Variants in ITGB1 observed in about 807,000 individuals in gnomAD.
The protein encoded by ITGB1 is integrin beta-1.
Under a neutral mutation model 86.5 loss-of-function variants are expected in ITGB1, and 24 were observed. The observed-to-expected ratio is 0.28, with a 90% CI of 0.20 to 0.39. The LOEUF (loss-of-function observed/expected upper bound fraction) is 0.39. ITGB1 is among the 10% of genes least tolerant of loss of function. The probability of loss-of-function intolerance (pLI) is 1.00; values close to 1 mark genes in which losing one functional copy is unlikely to be tolerated. For missense variants in ITGB1, 556 were observed against 946.9 expected (o/e 0.59, Z 5.42); for synonymous variants, 323 against 316.8 (o/e 1.02, Z -0.21).
intron 11 of ITGB1, among the ~76,000 whole-genome samples, chr10:32,915,828 T>G (rs1462357817): frequency 6.6e-6 from 1 of 152,206 alleles, no homozygotes; most frequent in African/African-American, 2.4e-5. Flanking sequence ...GCCAGCATCA[T>G]CCTGATACCA....
At chr10:32,903,495 GA>G (rs2094888049) in intron 15 of ITGB1, among the ~76,000 whole-genome samples, 1 of 151,492 alleles carries the variant, frequency 6.6e-6, no homozygotes, top group Non-Finnish European at 1.5e-5. Flanking sequence ...ACCAATGAGG[GA>G]AAAACATTAA....
chr10:32,941,174 A>G (rs1373231919), intron 1 of ITGB1, among the ~76,000 whole-genome samples: 1 of 152,156 alleles, frequency 6.6e-6, no homozygotes, highest in Non-Finnish European at 1.5e-5. Flanking sequence ...AGGCCTGCAT[A>G]TACAAAGCCA....
intron 9 of ITGB1, 72 bp from the exon 10 acceptor site, chr10:32,920,457 A>G: frequency 7.4e-7 from 1 of 1,347,996 alleles, no homozygotes. Context: ...ACCAATGGAT[A>G]AACTGCTCAG....
At chr10:32,925,753 A>C (rs2094962507) in intron 6 of ITGB1, 118 bp downstream of exon 6, 7 of 717,966 alleles carry the variant, frequency 9.7e-6, no homozygotes, top group East Asian at 2.5e-5. Flanking sequence ...TTACTTCTCT[A>C]AGATAATCAA....
At chr10:32,923,464 T>A in intron 7 of ITGB1, 121 bp downstream of exon 7, 4 of 757,686 alleles carry the variant, frequency 5.3e-6, no homozygotes, top group Non-Finnish European at 8.2e-6. Context: ...GGACCCCTAC[T>A]TACCAAAACA....
At chr10:32,945,093 A>G (rs2095028153) in intron 1 of ITGB1, 3 of 423,330 alleles carry the variant, frequency 7.1e-6, no homozygotes, top group African/African-American at 2.0e-5. Context: ...GCATGTATGA[A>G]TTCTTTGAAA....
At chr10:32,936,158 G>A (rs1716177542) in intron 1 of ITGB1, 1 of 152,280 alleles carries the variant, frequency 6.6e-6, no homozygotes, top group African/African-American at 2.4e-5. Flanking sequence ...ACTTCTGCCA[G>A]GAGCGCTGGC....
rs374870124 is a variant in ITGB1 at position 32,911,648 on chromosome 10, A to G, written c.1731T>C (p.Arg577=). 3.7e-6 allele frequency: 6 copies of G among 1,614,212 alleles called. No individual in the cohort carries two copies. Among genetic ancestry groups the G allele is most frequent in the South Asian group, 1.1e-5 (1 of 91,088 alleles). ...ICGGNGVCKC[R]VCECNPNYTG... ...TGTAGTTGGGGTTGCACTCACACAC[A>G]CGACACTTGCAAACACCATTTCCTG... The change falls in exon 13 of 16, where the codon CGT becomes CGC. Residue 577 remains arginine (R), a synonymous_variant. Coordinates refer to ENST00000302278, the MANE Select transcript of ITGB1 (RefSeq NM_002211.4).
At chr10:32,903,274 C>T (rs2094886692) in intron 15 of ITGB1, among the ~76,000 whole-genome samples, 1 of 142,108 alleles carries the variant, frequency 7.0e-6, no homozygotes, top group Non-Finnish European at 1.5e-5. Flanking sequence ...ATCACTTGAA[C>T]CCGGGAAGCG....
At position 32,919,890 on chromosome 10, in the gene ITGB1, C is replaced by T. The variant is rs143061769; in HGVS notation, c.1464G>A (p.Ala488=). 1.2e-4 allele frequency: 193 copies of T among 1,613,994 alleles called. No homozygotes were observed. The highest frequency in any genetic ancestry group is 1.5e-4 in the Non-Finnish European group (178 of 1,179,888). Residue 488 remains alanine (A), a synonymous_variant, in exon 11 of 16, where the codon GCG becomes GCA. Transcript: ENST00000302278. The part of the protein sequence containing the change: ...HEGNGTFECG[A]CRCNEGRVGR... ...TCTGACAACACCCAGCTTACCTGCA[C>T]GCGCCACACTCAAATGTCCCATTTC... is the stretch of plus-strand genomic sequence containing the variant.
intron 1 of ITGB1, among the ~76,000 whole-genome samples, chr10:32,953,092 T>C (rs1289815887): frequency 6.6e-6 from 1 of 152,198 alleles, no homozygotes. Context: ...ATTCTTCCCA[T>C]GCTGTCCTTG....
chr10:32,940,601 A>G (rs1398789606), intron 1 of ITGB1, among the ~76,000 whole-genome samples: 1 of 152,188 alleles, frequency 6.6e-6, no homozygotes, highest in Non-Finnish European at 1.5e-5. Flanking sequence ...GTGGTCCATC[A>G]CTGACCGAAA....
intron 3 of ITGB1, among the ~76,000 whole-genome samples, chr10:32,930,954 G>A (rs1469877558): frequency 6.6e-6 from 1 of 151,304 alleles, no homozygotes; most frequent in African/African-American, 2.4e-5. Context: ...AAATGTGGGG[G>A]AAACAGTGAC....
intron 15 of ITGB1, among the ~76,000 whole-genome samples, chr10:32,907,379 A>G (rs1187248256): frequency 6.6e-6 from 1 of 152,204 alleles, no homozygotes; most frequent in Admixed American, 6.5e-5. Context: ...CAAAAGATGA[A>G]TACACAAAGG....
intron 13 of ITGB1, among the ~76,000 whole-genome samples, chr10:32,911,094 A>G (rs2094911883): frequency 1.3e-5 from 2 of 152,244 alleles, no homozygotes; most frequent in Admixed American, 6.5e-5. Flanking sequence ...TCAAGAGGAA[A>G]AATCTTTAAT....
At chr10:32,912,648 T>A (rs1593857154) in intron 11 of ITGB1, among the ~76,000 whole-genome samples, 1 of 151,822 alleles carries the variant, frequency 6.6e-6, no homozygotes, top group Non-Finnish European at 1.5e-5. Flanking sequence ...CTTGAGTAGG[T>A]AAACAAAGCA....
intron 9 of ITGB1, among the ~76,000 whole-genome samples, chr10:32,921,153 G>A (rs1390912375): frequency 7.7e-6 from 1 of 129,334 alleles, no homozygotes; most frequent in Non-Finnish European, 1.6e-5. Context: ...AGGAACCATT[G>A]TAGCCCAGCC....
At chr10:32,935,705 C>CCCT (rs2094999364) in intron 1 of ITGB1, 147 bp from the exon 2 acceptor site, 1 of 604,900 alleles carries the variant, frequency 1.7e-6, no homozygotes, top group South Asian at 2.2e-5. Flanking sequence ...TCTCCACAGA[C>CCCT]CCTCGCCCAT....
chr10:32,917,171 C>T (rs1294928248), intron 11 of ITGB1, among the ~76,000 whole-genome samples: 1 of 152,178 alleles, frequency 6.6e-6, no homozygotes, highest in African/African-American at 2.4e-5. Flanking sequence ...CCCTTCCTTA[C>T]ACCTTATACA....
Sources: allele counts gnomAD v4.1 joint callset (sites outside exome capture counted in the v4.1 genomes callset), GRCh38; gene constraint gnomAD v4.1.1; transcripts MANE v1.5; gene names NCBI Gene and HGNC (gene_info 2026-07-23, HGNC 2026-07-21).